BACE1: variants seen among roughly 807,000 people sequenced by gnomAD.
BACE1 encodes beta-secretase 1, also known as APP beta-secretase.
In BACE1, 21 loss-of-function variants were observed where a neutral mutation model predicts 54.0. The observed-to-expected ratio is 0.39, with a 90% CI of 0.28 to 0.56. The LOEUF (loss-of-function observed/expected upper bound fraction) is 0.56. Among genes scored for constraint, BACE1 ranks in the 20% least tolerant of loss-of-function variants. The pLI is 0.63. For missense variants in BACE1, 511 were observed against 661.2 expected (o/e 0.77, Z 2.49); for synonymous variants, 232 against 260.9 (o/e 0.89, Z 1.07).
intron 1 of BACE1, among the ~76,000 whole-genome samples, chr11:117,305,033 G>C (rs1185058855): frequency 6.8e-6 from 1 of 146,562 alleles, no homozygotes; most frequent in East Asian, 2.0e-4. Context: ...TGCAATCTTG[G>C]CTCCTGCCTC....
Position 117,292,954 on chromosome 11 carries a change from A to G in BACE1, c.840+100T>C, listed in dbSNP as rs771552448. On this transcript the variant is annotated intron_variant, in intron 5 of 8. Coordinates refer to ENST00000313005, the MANE Select transcript of BACE1 (RefSeq NM_012104.6). Reference sequence around the variant, plus strand: ...ACTTCCAACCCTTTCTGCAGGTCCTATTACCTCTGCCTCATCCTCCCAACA... The same window carrying G: ...ACTTCCAACCCTTTCTGCAGGTCCTGTTACCTCTGCCTCATCCTCCCAACA... 2.4e-5 allele frequency: 34 copies of G among 1,431,556 alleles called. No individual in the cohort carries two copies. In the African/African-American group the frequency reaches 3.7e-4, roughly 16 times the overall value. The allele number at this position is 1,431,556 out of a possible 1,614,324, so 88.7% of individuals were successfully genotyped here.
At chr11:117,294,219 C>CTTTT in intron 3 of BACE1, 1 of 277,404 alleles carries the variant, frequency 3.6e-6, no homozygotes, top group Non-Finnish European at 6.6e-6. Flanking sequence ...ATTCATAGAT[C>CTTTT]TTTTTTTTTT....
chr11:117,295,665 G>A lies in BACE1; in HGVS notation c.351-318C>T, dbSNP rs541392568. The A allele has an allele frequency of 7.9e-6, 12 of 1,522,458 alleles. No individual in the cohort carries two copies. In the East Asian group the frequency reaches 2.5e-4, roughly 31 times the overall value. The allele number at this position is 1,522,458 out of a possible 1,614,324, so 94.3% of individuals were successfully genotyped here. ...TGCTGCTGCTGCTGCTGCAGGGACA[G>A]CTAGTGGGCATCTCTTCCGCCCTCT... On this transcript the variant is annotated intron_variant, in intron 2 of 8. Coordinates refer to ENST00000313005, the MANE Select transcript of BACE1 (RefSeq NM_012104.6).
At chr11:117,301,699 A>C (rs932486484) in intron 1 of BACE1, among the ~76,000 whole-genome samples, 1 of 152,042 alleles carries the variant, frequency 6.6e-6, no homozygotes, top group Non-Finnish European at 1.5e-5. Context: ...TCCTTATACT[A>C]GTGGATGGCA....
rs928664365 is a variant in BACE1 at position 117,315,180 on chromosome 11, C to T, written c.261+355G>A. Reference sequence around the variant, plus strand: ...CTAGAGTGGTGGGATTTGGGAGACTCGGACTGGGCCACTGTCAGAGGGGGC... The same window carrying T: ...CTAGAGTGGTGGGATTTGGGAGACTTGGACTGGGCCACTGTCAGAGGGGGC... On this transcript the variant is annotated intron_variant, in intron 1 of 8. Coordinates refer to ENST00000313005, the MANE Select transcript of BACE1 (RefSeq NM_012104.6). This position sits in a 1 kb window ranked among gnomAD's most constrained non-coding sequence, Gnocchi z 5.5. Among the ~76,000 whole-genome samples the T allele has an allele frequency of 1.3e-5, 2 of 152,128 alleles. No homozygotes were observed. Among genetic ancestry groups the T allele is most frequent in the Non-Finnish European group, 2.9e-5 (2 of 68,008 alleles).
Position 117,290,897 on chromosome 11 carries a change from T to TA in BACE1, c.1092+2dup, listed in dbSNP as rs745392028. On this transcript the variant is annotated splice_region_variant and intron_variant, in intron 7 of 8. Transcript: ENST00000313005. Reference sequence around the variant, plus strand: ...GATCCCCCTGACTCAGGCTGGGACATACCTGCGGAAGGATGGTGATGCGGA... The same window carrying TA: ...GATCCCCCTGACTCAGGCTGGGACATAACCTGCGGAAGGATGGTGATGCGGA... 6.2e-7 allele frequency: 1 copy of TA among 1,613,730 alleles called. No individual in the cohort carries two copies. The highest frequency in any genetic ancestry group is 1.1e-5 in the South Asian group (1 of 91,020).
At position 117,293,838 on chromosome 11, in the gene BACE1, G is replaced by GC. The variant is rs1389688853; in HGVS notation, c.705+32dup. 3.8e-6 allele frequency: 6 copies of GC among 1,590,236 alleles called. No individual in the cohort carries two copies. Among genetic ancestry groups the GC allele is most frequent in the Non-Finnish European group, 5.1e-6 (6 of 1,168,200 alleles). ...GGATGGCACCCATCTCTCCCTCAAT[G>GC]CCAGGACCTCCCCTCTCTGAGGACC... On this transcript the variant is annotated intron_variant, in intron 4 of 8. Coordinates refer to ENST00000313005, the MANE Select transcript of BACE1 (RefSeq NM_012104.6). The surrounding 1 kb of genome is among the most constrained non-coding windows in gnomAD (Gnocchi z 4.1).
chr11:117,295,096 A>G (rs1275763703), intron 3 of BACE1, 35 bp downstream of exon 3: 2 of 1,571,274 alleles, frequency 1.3e-6, no homozygotes, highest in Non-Finnish European at 8.8e-7. Context: ...TGCAGTGTGC[A>G]TAGAGTGTGT....
At position 117,291,767 on chromosome 11, in the gene BACE1, C is replaced by T; in HGVS notation, c.887G>A (p.Arg296His). 1.2e-6 allele frequency: 2 copies of T among 1,613,428 alleles called. No individual in the cohort carries two copies. The highest frequency in any genetic ancestry group is 1.7e-6 in the Non-Finnish European group (2 of 1,179,560). ...SIVDSGTTNL[R>H]LPKKVFEAAV... ...AGCTTCAAACACTTTCTTGGGCAAA[C>T]GAAGGTTGGTGGTGCCACTGTCCAC... Residue 296 changes from arginine (R) to histidine (H), a missense_variant, in exon 6 of 9, where the codon CGT becomes CAT. Coordinates refer to ENST00000313005, the MANE Select transcript of BACE1 (RefSeq NM_012104.6).
In BACE1 at chr11:117,288,153, C is replaced by T. The variant is rs2034313341; in HGVS notation, c.*1413G>A. 6.6e-6 allele frequency: 1 copy of T among 152,434 alleles called. No individual in the cohort carries two copies. The highest frequency in any genetic ancestry group is 2.4e-5 in the African/African-American group (1 of 41,436). The allele number at this position is 152,434 out of a possible 1,614,324, so 9.4% of individuals were successfully genotyped here. The stretch of plus-strand genomic sequence containing the variant: ...GAACAGGATAGGGGAAAAAGATGAC[C>T]TTCATCAAGGAGCTCTTGTGGTGGA... On this transcript the variant is annotated 3_prime_UTR_variant, in exon 9 of 9. Coordinates refer to ENST00000313005, the MANE Select transcript of BACE1 (RefSeq NM_012104.6).
intron 1 of BACE1, chr11:117,297,290 G>T: frequency 3.7e-6 from 1 of 268,538 alleles, no homozygotes; most frequent in Non-Finnish European, 7.0e-6. Flanking sequence ...TAGCCAGATG[G>T]TTGATGATTT....
rs766814426 is a variant in BACE1, at chr11:117,296,892, G to A, written c.331C>T (p.Arg111Cys). 2.0e-5 allele frequency: 33 copies of A among 1,613,354 alleles called. No homozygotes were observed. The highest frequency in any genetic ancestry group is 2.5e-5 in the Non-Finnish European group (30 of 1,179,704). Residue 111 changes from arginine to cysteine, a missense_variant, in exon 2 of 9, where the codon CGC becomes TGC. Arg to Cys is a radical substitution (Grantham distance 180). Coordinates refer to ENST00000313005, the MANE Select transcript of BACE1 (RefSeq NM_012104.6). ...VGAAPHPFLH[R>C]YYQRQLSSTY... is the part of the protein sequence containing the mutation. ...ACTCACAGCTGCCTCTGGTAGTAGC[G>A]ATGCAGGAAGGGGTGGGGGGCAGCA... is the stretch of plus-strand genomic sequence containing the variant.
chr11:117,290,058 C>T (rs2034375332), intron 8 of BACE1, among the ~76,000 whole-genome samples: 1 of 152,146 alleles, frequency 6.6e-6, no homozygotes, highest in Admixed American at 6.5e-5. Context: ...GTCAGTAGTT[C>T]TGAGTTGACC....
intron 1 of BACE1, among the ~76,000 whole-genome samples, chr11:117,307,643 C>A (rs1156369790): frequency 1.3e-5 from 2 of 152,140 alleles, no homozygotes; most frequent in African/African-American, 4.8e-5. Flanking sequence ...AATTTTCTGC[C>A]CAGCCCTTTA....
chr11:117,294,123 A>AC, intron 3 of BACE1, 115 bp from the exon 4 acceptor site: 1 of 1,263,114 alleles, frequency 7.9e-7, no homozygotes, highest in Non-Finnish European at 1.1e-6. Context: ...CTTGGGAAAG[A>AC]CCATCTTAAG....
In BACE1 at chr11:117,289,073, A is replaced by C. The variant is rs1159500293; in HGVS notation, c.*493T>G. The stretch of plus-strand genomic sequence containing the variant: ...GCACCAATGTTAGGCTTGTTTATAC[A>C]GTCCCTGTCTCTAAAGCAAATAGCA... On this transcript the variant is annotated 3_prime_UTR_variant, in exon 9 of 9. Coordinates refer to ENST00000313005, the MANE Select transcript of BACE1 (RefSeq NM_012104.6). The C allele has an allele frequency of 2.5e-5, 4 of 160,122 alleles. No homozygotes were observed. 9.9% of individuals were successfully genotyped at this position (160,122 alleles called of 1,614,324 possible). A position where few individuals can be genotyped will look rare whatever the true frequency, so the allele number is the denominator to read the frequency against.
In BACE1 at chr11:117,288,315, C is replaced by G. The variant is rs2034317301; in HGVS notation, c.*1251G>C. ...TAGTGCCACTGTGTGATGCTTTAGT[C>G]AAATAAATGGAGGGGCCATTAGAGA... On this transcript the variant is annotated 3_prime_UTR_variant, in exon 9 of 9. Coordinates refer to ENST00000313005, the MANE Select transcript of BACE1 (RefSeq NM_012104.6). 6.6e-6 allele frequency: 1 copy of G among 152,272 alleles called. No homozygotes were observed. Among genetic ancestry groups the G allele is most frequent in the Non-Finnish European group, 1.5e-5 (1 of 68,054 alleles). 9.4% of individuals were successfully genotyped at this position (152,272 alleles called of 1,614,324 possible).
chr11:117,308,334 A>AT (rs754046855), intron 1 of BACE1, among the ~76,000 whole-genome samples: 5 of 151,778 alleles, frequency 3.3e-5, no homozygotes, highest in Non-Finnish European at 7.4e-5. Context: ...GAACAAGTCT[A>AT]TTTTTTAACT....
At chr11:117,291,371 G>C (rs1416914369) in intron 6 of BACE1, among the ~76,000 whole-genome samples, 2 of 151,792 alleles carry the variant, frequency 1.3e-5, no homozygotes, top group Non-Finnish European at 2.9e-5. Flanking sequence ...CCACCGTCCT[G>C]AGTTAAAGTG....
Sources: allele counts gnomAD v4.1 joint callset (sites outside exome capture counted in the v4.1 genomes callset), GRCh38; gene constraint gnomAD v4.1.1; non-coding constraint Gnocchi (gnomAD v3.1); transcripts MANE v1.5; gene names NCBI Gene and HGNC (gene_info 2026-07-23, HGNC 2026-07-21).